NDST4: variants seen among roughly 807,000 people sequenced by gnomAD.
NDST4 encodes the protein N-heparan sulfate sulfotransferase 4.
NDST4 carries 63 observed loss-of-function variants against 100.8 expected under a neutral mutation model. The ratio of observed to expected loss-of-function variants is 0.62; its 90% confidence interval spans 0.51 to 0.77. The LOEUF (loss-of-function observed/expected upper bound fraction) is 0.77, where lower values mean the gene tolerates loss of function less well. Ranked by LOEUF, NDST4 falls within the 30% of genes least tolerant of loss-of-function variation. NDST4 has a pLI of 0.00. For synonymous variants in NDST4, 377 were observed against 361.8 expected, an observed-to-expected ratio of 1.04 and a Z score of -0.48; for missense variants, 943 against 1,018.4, an observed-to-expected ratio of 0.93 and a Z score of 1.01.
chr4:114,852,315 A>G (rs1443131885), intron 8 of NDST4, among the ~76,000 whole-genome samples: 1 of 152,220 alleles, frequency 6.6e-6, no homozygotes, highest in Non-Finnish European at 1.5e-5. Context: ...AATAAAAATC[A>G]ATTCAAAGGC....
At chr4:115,073,767 C>T (rs2126288651) in intron 2 of NDST4, among the ~76,000 whole-genome samples, 1 of 151,886 alleles carries the variant, frequency 6.6e-6, no homozygotes, top group African/African-American at 2.4e-5. Context: ...ATATCATATT[C>T]TTGAAAATTA....
chr4:115,055,049 C>T (rs534014), intron 2 of NDST4, among the ~76,000 whole-genome samples: 38,413 of 151,542 alleles, frequency 0.25, 6,561 homozygotes, highest in African/African-American at 0.46. Flanking sequence ...CCACATTCTG[C>T]CAGATCAGTG....
At chr4:115,103,682 A>G (rs955561071) in intron 1 of NDST4, among the ~76,000 whole-genome samples, 1 of 151,836 alleles carries the variant, frequency 6.6e-6, no homozygotes, top group African/African-American at 2.4e-5. Flanking sequence ...TTTTTAATTT[A>G]ATTTCCTTCT....
intron 4 of NDST4, among the ~76,000 whole-genome samples, chr4:114,940,182 A>G (rs1725718409): frequency 6.6e-6 from 1 of 152,216 alleles, no homozygotes; most frequent in Non-Finnish European, 1.5e-5. Flanking sequence ...AATGTCTCTT[A>G]CAGGATCTAT....
chr4:114,991,165 A>T (rs1408876423), intron 2 of NDST4, among the ~76,000 whole-genome samples: 1 of 152,060 alleles, frequency 6.6e-6, no homozygotes, highest in Non-Finnish European at 1.5e-5. Context: ...GTTTCTCAAG[A>T]CTATAGACAG....
intron 4 of NDST4, among the ~76,000 whole-genome samples, chr4:114,965,434 G>A (rs1015338829): frequency 1.3e-5 from 2 of 151,902 alleles, no homozygotes; most frequent in Non-Finnish European, 2.9e-5. Flanking sequence ...TTAAATGTCA[G>A]CATTTTTTAC....
chr4:114,882,708 T>C (rs1185962615), intron 6 of NDST4, among the ~76,000 whole-genome samples: 1 of 152,084 alleles, frequency 6.6e-6, no homozygotes, highest in East Asian at 1.9e-4. Flanking sequence ...TTTAAAGTAA[T>C]GACAGCTGAA....
intron 4 of NDST4, among the ~76,000 whole-genome samples, chr4:114,943,660 A>G (rs754135559): frequency 6.6e-6 from 1 of 152,142 alleles, no homozygotes; most frequent in Non-Finnish European, 1.5e-5. Context: ...GTACATAATA[A>G]AAATATTTGT....
chr4:114,976,593 A>G (rs1203587775), intron 3 of NDST4, among the ~76,000 whole-genome samples: 5 of 151,994 alleles, frequency 3.3e-5, no homozygotes, highest in African/African-American at 1.2e-4. Flanking sequence ...GAACATAAGT[A>G]CAATTGTGGC....
chr4:115,086,574 A>T (rs553083687), intron 1 of NDST4, among the ~76,000 whole-genome samples: 6 of 152,220 alleles, frequency 3.9e-5, no homozygotes, highest in Admixed American at 3.9e-4. Context: ...ATAATATTAT[A>T]TTGTAACATA....
intron 4 of NDST4, among the ~76,000 whole-genome samples, chr4:114,950,954 G>C (rs1390759804): frequency 6.6e-6 from 1 of 151,884 alleles, no homozygotes; most frequent in African/African-American, 2.4e-5. Flanking sequence ...GATCATTTTT[G>C]CATCCCTGGT....
At chr4:114,904,105 A>C (rs1560804857) in intron 6 of NDST4, among the ~76,000 whole-genome samples, 1 of 152,024 alleles carries the variant, frequency 6.6e-6, no homozygotes, top group Non-Finnish European at 1.5e-5. Flanking sequence ...ATTAGAAAAA[A>C]GGGTAAGAAG....
chr4:114,848,438 A>C, intron 8 of NDST4, 100 bp from the exon 9 acceptor site: 1 of 906,738 alleles, frequency 1.1e-6, no homozygotes, highest in Non-Finnish European at 1.6e-6. Flanking sequence ...ATAATCAACT[A>C]TTTCCAGTAT....
intron 6 of NDST4, among the ~76,000 whole-genome samples, chr4:114,921,910 T>G (rs1313357482): frequency 6.6e-6 from 1 of 151,604 alleles, no homozygotes; most frequent in East Asian, 1.9e-4. Context: ...TCCTTTTCTC[T>G]CCTCCTCTTT....
chr4:114,831,644 A>G (rs1342759809), intron 12 of NDST4, among the ~76,000 whole-genome samples: 2 of 152,276 alleles, frequency 1.3e-5, no homozygotes, highest in South Asian at 2.1e-4. Flanking sequence ...CTTGTTATCC[A>G]CAGCAGCTGT....
chr4:114,932,884 A>G (rs936460768), intron 6 of NDST4, among the ~76,000 whole-genome samples: 2 of 152,114 alleles, frequency 1.3e-5, no homozygotes, highest in Non-Finnish European at 2.9e-5. Flanking sequence ...TAGTGTTAAA[A>G]TATCCATATT....
At chr4:114,967,335 TAC>T (rs1726405603) in intron 4 of NDST4, among the ~76,000 whole-genome samples, 1 of 152,148 alleles carries the variant, frequency 6.6e-6, no homozygotes, top group Admixed American at 6.5e-5. Context: ...TAAGATTTTT[TAC>T]ACAATATATT....
chr4:115,016,213 T>C (rs981105392), intron 2 of NDST4, among the ~76,000 whole-genome samples: 1 of 152,024 alleles, frequency 6.6e-6, no homozygotes, highest in Non-Finnish European at 1.5e-5. Context: ...TTTGATAGAT[T>C]AGTGGAAAGG....
intron 10 of NDST4, 129 bp downstream of exon 10, chr4:114,845,694 T>C: frequency 1.4e-6 from 1 of 722,526 alleles, no homozygotes; most frequent in Non-Finnish European, 2.1e-6. Flanking sequence ...TATTTTTTGG[T>C]GGGGGTTGTG....
Sources: gnomAD v4.1 joint callset for allele counts (sites outside exome capture counted in the v4.1 genomes callset) on GRCh38, gnomAD v4.1.1 for gene constraint, MANE v1.5 for transcripts, NCBI Gene and HGNC (gene_info 2026-07-23, HGNC 2026-07-21) for gene names.